LPA: variants seen among roughly 807,000 people sequenced by gnomAD.
The protein encoded by LPA is apolipoprotein(a).
In LPA, 199 loss-of-function variants were observed where a neutral mutation model predicts 197.9. The ratio of observed to expected loss-of-function variants is 1.01; its 90% CI spans 0.90 to 1.13. LPA has a LOEUF of 1.13. LPA is among the 50% of genes most tolerant of loss of function. The pLI is 0.00. For synonymous variants in LPA, 715 were observed against 639.5 expected, an observed-to-expected ratio of 1.12 and a Z score of -1.78; for missense variants, 1,853 against 1,785.8, an observed-to-expected ratio of 1.04 and a Z score of -0.68.
At chr6:160,615,441 C>T (rs62441742) in intron 14 of LPA, among the ~76,000 whole-genome samples, 12 of 111,496 alleles carry the variant, frequency 1.1e-4, no homozygotes, top group Admixed American at 2.4e-4. Context: ...TCCTCTGAAA[C>T]GTCTAATTTG....
chr6:160,535,209 TACAGA>T, intron 37 of LPA, among the ~76,000 whole-genome samples: 1 of 143,238 alleles, frequency 7.0e-6, no homozygotes. Flanking sequence ...GTAATGATAA[TACAGA>T]TGAGGAAATA....
Position 160,606,506 on chromosome 6 carries a change from A to T in LPA, c.2756T>A (p.Ile919Asn). The change falls in exon 17 of 39, where the codon ATT (isoleucine) becomes AAT (asparagine). Residue 919 changes from isoleucine to asparagine, a missense_variant. Around this residue, in one of 3 missense-constraint regions of LPA, gnomAD observed 1,737 missense variants for 1,504.4 expected, o/e 1.15. Coordinates refer to ENST00000316300, the MANE Select transcript of LPA (RefSeq NM_005577.4). ...TAVAPPTITP[I>N]PSLEAPSEQA... ...TTCAGAAGGAGCCTCTAGGCTTGGA[A>T]TCGGGGTAATAGTTGGAGGCGCGAC... 1 of 1,613,570 alleles carries T rather than the reference A, an allele frequency of 6.2e-7. No individual in the cohort carries two copies. Among genetic ancestry groups the T allele is most frequent in the Non-Finnish European group, 8.5e-7 (1 of 1,179,884 alleles).
Position 160,650,367 on chromosome 6 carries a change from A to G in LPA, c.180T>C (p.His60=), listed in dbSNP as rs1367813208. ...TTGGGTAGTTTTCTGTGGTCCTATT[A>G]TGTTGATGTGGTGTCATAGATGACC... The part of the protein sequence containing the change: ...QAWSSMTPHQ[H]NRTTENYPNA... The change falls in exon 2 of 39, where the codon CAT becomes CAC. Residue 60 remains histidine (H), a synonymous_variant. Transcript: ENST00000316300. The G allele has an allele frequency of 1.9e-6, 3 of 1,613,730 alleles. No homozygotes were observed. The highest frequency in any genetic ancestry group is 2.5e-6 in the Non-Finnish European group (3 of 1,179,814).
chr6:160,543,302 T>C (rs1259808349), intron 33 of LPA, among the ~76,000 whole-genome samples: 1 of 152,122 alleles, frequency 6.6e-6, no homozygotes, highest in East Asian at 1.9e-4. Flanking sequence ...TCTCTGGAGG[T>C]AGGGAAAGTG....
intron 36 of LPA, among the ~76,000 whole-genome samples, chr6:160,539,403 A>G (rs1187549787): frequency 6.6e-6 from 1 of 152,184 alleles, no homozygotes; most frequent in Non-Finnish European, 1.5e-5. Context: ...AGAAGACAAC[A>G]ATAATATTAT....
chr6:160,540,145 G>A lies in LPA; in HGVS notation c.5633C>T (p.Ala1878Val). Residue 1878 changes from alanine to valine, a missense_variant, in exon 36 of 39, where the codon GCA becomes GTA. Coordinates refer to ENST00000316300, the MANE Select transcript of LPA (RefSeq NM_005577.4). The part of the protein sequence containing the change: ...RPSSYKVILG[A>V]HQEVNLESHV... The stretch of plus-strand genomic sequence containing the variant: ...AGATTCGAGGTTCACTTCTTGGTGT[G>A]CACCCAGGATGACCTTGTAGGATGA... 1 of 1,614,122 alleles carries A rather than the reference G, an allele frequency of 6.2e-7. No homozygotes were observed. Among genetic ancestry groups the A allele is most frequent in the Non-Finnish European group, 8.5e-7 (1 of 1,180,026 alleles).
intron 30 of LPA, among the ~76,000 whole-genome samples, chr6:160,551,244 T>G (rs1216970926): frequency 6.6e-6 from 1 of 152,190 alleles, no homozygotes; most frequent in African/African-American, 2.4e-5. Flanking sequence ...GTCCATTGGG[T>G]GTTTGGTGAC....
intron 1 of LPA, among the ~76,000 whole-genome samples, chr6:160,650,787 C>A (rs192597019): frequency 6.6e-6 from 1 of 152,272 alleles, no homozygotes; most frequent in Non-Finnish European, 1.5e-5. Context: ...GAAATCTCTT[C>A]TTAATGTTCA....
At chr6:160,560,434 C>G (rs529444264) in intron 28 of LPA, among the ~76,000 whole-genome samples, 56 of 152,352 alleles carry the variant, frequency 3.7e-4, no homozygotes, top group African/African-American at 1.3e-3. Context: ...TCTTTCTCCA[C>G]ACATCCTCTT....
chr6:160,591,841 A>G (rs916406860), intron 22 of LPA, among the ~76,000 whole-genome samples: 1 of 152,158 alleles, frequency 6.6e-6, no homozygotes, highest in African/African-American at 2.4e-5. Context: ...ATTTCCATCC[A>G]TCCCCTTTCC....
At chr6:160,553,661 A>G (rs1778202008) in intron 30 of LPA, among the ~76,000 whole-genome samples, 2 of 152,188 alleles carry the variant, frequency 1.3e-5, no homozygotes, top group African/African-American at 4.8e-5. Flanking sequence ...CGATTTATCT[A>G]TAATGTACCC....
At chr6:160,542,617 T>G in intron 34 of LPA, 71 bp downstream of exon 34, 2 of 1,606,842 alleles carry the variant, frequency 1.2e-6, no homozygotes, top group Non-Finnish European at 1.7e-6. Context: ...GTGGGTTCTG[T>G]GTAAATGTAG....
In LPA at chr6:160,553,933, C is replaced by CTGTG. The variant is rs1437869346; in HGVS notation, c.4973+2091_4973+2092insCACA. On this transcript the variant is annotated intron_variant, in intron 30 of 38. Coordinates refer to ENST00000316300, the MANE Select transcript of LPA (RefSeq NM_005577.4). ...TCTCTCTCTCTTTCTCTCTCTCTCT[C>CTGTG]TCTCTGTGTGTGTGTGTGTGTGCGC... Among the ~76,000 whole-genome samples the CTGTG allele has an allele frequency of 1.1e-3, 77 of 68,944 alleles. 1 individual carries two copies. Among genetic ancestry groups the CTGTG allele is most frequent in the African/African-American group, 2.7e-3 (64 of 23,354 alleles). The allele number at this position is 68,944 out of a possible 152,430, so 45.2% of individuals were successfully genotyped here. A position where few individuals can be genotyped will look rare whatever the true frequency, so the allele number is the denominator to read the frequency against.
intron 2 of LPA, among the ~76,000 whole-genome samples, chr6:160,647,619 A>G (rs1484174580): frequency 2.0e-5 from 3 of 152,174 alleles, no homozygotes; most frequent in Non-Finnish European, 4.4e-5. Context: ...CAAACCTCAG[A>G]GTTAAAAACT....
At chr6:160,554,019 C>G (rs58933930) in intron 30 of LPA, among the ~76,000 whole-genome samples, 1 of 151,366 alleles carries the variant, frequency 6.6e-6, no homozygotes, top group Non-Finnish European at 1.5e-5. Flanking sequence ...GAGTTATCTT[C>G]TGGTTCACTT....
intron 16 of LPA, among the ~76,000 whole-genome samples, chr6:160,610,706 C>G (rs546819770): frequency 6.6e-6 from 1 of 152,138 alleles, no homozygotes; most frequent in Non-Finnish European, 1.5e-5. Flanking sequence ...TCATCCCAAA[C>G]TCCAATCCCT....
At chr6:160,553,261 T>C (rs1778194526) in intron 30 of LPA, among the ~76,000 whole-genome samples, 1 of 152,202 alleles carries the variant, frequency 6.6e-6, no homozygotes, top group African/African-American at 2.4e-5. Flanking sequence ...CATTGCCATT[T>C]GCCATTTCCA....
At chr6:160,651,704 CAG>C (rs1418375045) in intron 1 of LPA, among the ~76,000 whole-genome samples, 1 of 152,072 alleles carries the variant, frequency 6.6e-6, no homozygotes, top group African/African-American at 2.4e-5. Context: ...TCAAGACAGA[CAG>C]ACTCAGAAAA....
intron 28 of LPA, among the ~76,000 whole-genome samples, chr6:160,566,367 G>C (rs1445654613): frequency 1.3e-5 from 2 of 152,142 alleles, no homozygotes; most frequent in Non-Finnish European, 2.9e-5. Flanking sequence ...ATTTTCAACT[G>C]AGAATATCAT....
Sources: gnomAD v4.1 joint callset for allele counts (sites outside exome capture counted in the v4.1 genomes callset) on GRCh38, gnomAD v4.1.1 for gene constraint, gnomAD v4.1.1 regional missense constraint, MANE v1.5 for transcripts, NCBI Gene and HGNC (gene_info 2026-07-23, HGNC 2026-07-21) for gene names.